SLITRK3: variants seen among roughly 807,000 people sequenced by gnomAD.
SLITRK3 encodes the protein SLIT and NTRK-like protein 3.
Under a neutral mutation model 63.6 loss-of-function variants are expected in SLITRK3, and 16 were observed. That is an observed-to-expected ratio of 0.25 (90% CI 0.17 to 0.38). SLITRK3 has a LOEUF of 0.38. SLITRK3 is among the 10% of genes least tolerant of loss of function. The pLI is 1.00. For missense variants in SLITRK3, 1,117 were observed against 1,181.4 expected (o/e 0.95, Z 0.80); for synonymous variants, 547 against 451.6 (o/e 1.21, Z -2.68).
chr3:165,189,821 T>C lies in SLITRK3; in HGVS notation c.1010A>G (p.Lys337Arg), dbSNP rs774655521. 3 of 1,614,078 alleles carry C rather than the reference T, an allele frequency of 1.9e-6. No homozygotes were observed. The highest frequency in any genetic ancestry group is 2.5e-6 in the Non-Finnish European group (3 of 1,179,986). Residue 337 changes from lysine (K) to arginine (R), a missense_variant, in exon 2 of 2, where the codon AAA (lysine) becomes AGA (arginine). Transcript: ENST00000475390. The surrounding 1 kb of genome is among the most constrained non-coding windows in gnomAD (Gnocchi z 4.0). Reference sequence around the variant, plus strand: ...GGGTGGCCTTGGTGTTCGAGGCTGTTTGGTGGGCTTAGGCTGTTTATTTGA... The same window carrying C: ...GGGTGGCCTTGGTGTTCGAGGCTGTCTGGTGGGCTTAGGCTGTTTATTTGA... ...KSSNKQPKPT[K>R]QPRTPRPPST...
intron 1 of SLITRK3, among the ~76,000 whole-genome samples, chr3:165,194,985 G>C (rs2108212104): frequency 6.6e-6 from 1 of 152,248 alleles, no homozygotes; most frequent in South Asian, 2.1e-4. Flanking sequence ...TGTCCAGAGG[G>C]AGGACAAGAA....
chr3:165,188,383 C>T lies in SLITRK3; in HGVS notation c.2448G>A (p.Lys816=). The change falls in exon 2 of 2, where the codon AAG becomes AAA. Residue 816 remains lysine (K), a synonymous_variant. Transcript: ENST00000475390. The part of the protein sequence containing the change: ...SNYRTLLEKE[K]EWALAVSSSQ... ...AGCTGGACACTGCTAGGGCCCACTC[C>T]TTCTCTTTTTCCAGCAAGGTCCGGT... The T allele has an allele frequency of 6.2e-7, 1 of 1,613,904 alleles. No individual in the cohort carries two copies. Among genetic ancestry groups the T allele is most frequent in the South Asian group, 1.1e-5 (1 of 91,052 alleles).
Position 165,190,698 on chromosome 3 carries a change from A to T in SLITRK3, c.133T>A (p.Phe45Ile). Residue 45 changes from phenylalanine to isoleucine, a missense_variant, in exon 2 of 2, where the codon TTT (phenylalanine) becomes ATT (isoleucine). Phe to Ile is a conservative substitution (Grantham distance 21, BLOSUM62 0). This residue lies in a region of SLITRK3 where 452 missense variants were observed against 495.3 expected (regional missense o/e 0.91). Coordinates refer to ENST00000475390, the MANE Select transcript of SLITRK3 (RefSeq NM_001318810.2). ...EDSEEIDEPC[F>I]DPCYCEVKES... Reference sequence around the variant, plus strand: ...TTAACTTCACAGTAGCATGGATCAAAACAGGGCTCATCTATTTCCTCTGAG... The same window carrying T: ...TTAACTTCACAGTAGCATGGATCAATACAGGGCTCATCTATTTCCTCTGAG... The T allele has an allele frequency of 6.2e-7, 1 of 1,614,138 alleles. No homozygotes were observed.
chr3:165,196,980 C>G (rs763475056), upstream of SLITRK3: 1 of 152,036 alleles, frequency 6.6e-6, no homozygotes, highest in Non-Finnish European at 1.5e-5. Context: ...CTCTCGCTCT[C>G]TCTCTCTCGC....
chr3:165,191,018 A>G (rs1718204714), intron 1 of SLITRK3, among the ~76,000 whole-genome samples, 167 bp from the exon 2 acceptor site: 1 of 152,220 alleles, frequency 6.6e-6, no homozygotes, highest in African/African-American at 2.4e-5. Flanking sequence ...TGTGTCCTAT[A>G]TTTTAAACTT....
At chr3:165,193,461 A>T (rs1237017749) in intron 1 of SLITRK3, among the ~76,000 whole-genome samples, 2 of 151,778 alleles carry the variant, frequency 1.3e-5, no homozygotes, top group African/African-American at 4.8e-5. Flanking sequence ...AATGACGGGG[A>T]TGGGGGGAAA....
At position 165,189,964 on chromosome 3, in the gene SLITRK3, T is replaced by C. The variant is rs201324075; in HGVS notation, c.867A>G (p.Val289=). Residue 289 remains valine, a synonymous_variant, in exon 2 of 2, where the codon GTA becomes GTG. Transcript: ENST00000475390. The surrounding 1 kb of genome is among the most constrained non-coding windows in gnomAD (Gnocchi z 4.0). The part of the protein sequence containing the change: ...ELCPLLSDSE[V]EASLGIPHSS... ...AATGTGGAATTCCCAAACTAGCCTC[T>C]ACCTCAGAGTCAGACAACAAGGGAC... 361 of 1,614,166 alleles carry C rather than the reference T, an allele frequency of 2.2e-4. 3 individuals are homozygous for C. The South Asian group carries it at 2.9e-3, about 13-fold the overall frequency.
chr3:165,188,410 G>A lies in SLITRK3; in HGVS notation c.2421C>T (p.Asn807=). ...TCTCTTTTTCCAGCAAGGTCCGGTA[G>A]TTACTATGGTTCTCCTTGGGTGTCT... is the stretch of plus-strand genomic sequence containing the variant. The part of the protein sequence containing the change: ...FAETPKENHS[N]YRTLLEKEKE... Residue 807 remains asparagine (N), a synonymous_variant, in exon 2 of 2, where the codon AAC becomes AAT. Transcript: ENST00000475390. 6.2e-7 allele frequency: 1 copy of A among 1,613,990 alleles called. No homozygotes were observed. The highest frequency in any genetic ancestry group is 8.5e-7 in the Non-Finnish European group (1 of 1,179,990).
In SLITRK3 at chr3:165,188,865, A is replaced by G. The variant is rs773305320; in HGVS notation, c.1966T>C (p.Leu656=). 4.3e-6 allele frequency: 7 copies of G among 1,614,010 alleles called. No individual in the cohort carries two copies. The South Asian group carries it at 7.7e-5, about 18-fold the overall frequency. Residue 656 remains leucine (L), a synonymous_variant, in exon 2 of 2, where the codon TTA becomes CTA. Coordinates refer to ENST00000475390, the MANE Select transcript of SLITRK3 (RefSeq NM_001318810.2). Reference sequence around the variant, plus strand: ...AACAGAACCAGCAGGCTGAGAATTAACACAGAAAGTGGCACAGGGCCCCCA... The same window carrying G: ...AACAGAACCAGCAGGCTGAGAATTAGCACAGAAAGTGGCACAGGGCCCCCA... ...PPGGPVPLSV[L]ILSLLVLFFS...
At chr3:165,191,980 A>G (rs1050606092) in intron 1 of SLITRK3, among the ~76,000 whole-genome samples, 1 of 152,242 alleles carries the variant, frequency 6.6e-6, no homozygotes, top group African/African-American at 2.4e-5. Flanking sequence ...GCCTAATAAC[A>G]TCAGTATATG....
At position 165,188,462 on chromosome 3, in the gene SLITRK3, G is replaced by C. The variant is rs774538207; in HGVS notation, c.2369C>G (p.Ala790Gly). 3 of 1,613,950 alleles carry C rather than the reference G, an allele frequency of 1.9e-6. No individual in the cohort carries two copies. In the East Asian group the frequency reaches 6.7e-5, roughly 36 times the overall value. Residue 790 changes from alanine to glycine, a missense_variant, in exon 2 of 2, where the codon GCT becomes GGT. By Grantham distance (60) the Ala-to-Gly change is moderately conservative (BLOSUM62 0). Around this residue, in one of 4 missense-constraint regions of SLITRK3, gnomAD observed 499 missense variants for 463.6 expected, o/e 1.08. Coordinates refer to ENST00000475390, the MANE Select transcript of SLITRK3 (RefSeq NM_001318810.2). Reference protein sequence around the residue: ...PGTQPPGMGEALLGSEQFAET... With the variant: ...PGTQPPGMGEGLLGSEQFAET... Reference sequence around the variant, plus strand: ...AGCAAACTGCTCACTTCCTAGGAGAGCCTCACCCATTCCCGGTGGTTGTGT... The same window carrying C: ...AGCAAACTGCTCACTTCCTAGGAGACCCTCACCCATTCCCGGTGGTTGTGT...
Position 165,189,547 on chromosome 3 carries a change from A to G in SLITRK3, c.1284T>C (p.Phe428=), listed in dbSNP as rs1718102043. 1.2e-6 allele frequency: 2 copies of G among 1,614,128 alleles called. No individual in the cohort carries two copies. Among genetic ancestry groups the G allele is most frequent in the African/African-American group, 1.3e-5 (1 of 75,056 alleles). Residue 428 remains phenylalanine (F), a synonymous_variant, in exon 2 of 2, where the codon TTT becomes TTC. Transcript: ENST00000475390. This position sits in a 1 kb window ranked among gnomAD's most constrained non-coding sequence, Gnocchi z 4.0. ...AGAGATCCAAGGAAGAAAAATTCCA[A>G]AAATCAGAACGGTATATTTTCTGAA... ...NLIQKIYRSD[F]WNFSSLDLLH...
rs538809989 is a variant in SLITRK3 at position 165,193,926 on chromosome 3, T to C, written c.-22+1654A>G. Among the ~76,000 whole-genome samples the C allele has an allele frequency of 2.6e-5, 4 of 152,250 alleles. No homozygotes were observed. In the South Asian group the frequency reaches 8.3e-4, roughly 32 times the overall value. On this transcript the variant is annotated intron_variant, in intron 1 of 1. Transcript: ENST00000475390. Reference sequence around the variant, plus strand: ...GTGATTGAAGGAAGATATTGTATTGTAGAGGGACTACCAGATGACAGTTCA... The same window carrying C: ...GTGATTGAAGGAAGATATTGTATTGCAGAGGGACTACCAGATGACAGTTCA...
intron 1 of SLITRK3, among the ~76,000 whole-genome samples, chr3:165,192,659 G>C (rs1342351623): frequency 6.6e-6 from 1 of 151,430 alleles, no homozygotes; most frequent in Non-Finnish European, 1.5e-5. Context: ...GAAGCAAAAG[G>C]GGATAAAGGG....
rs1718401555 is a variant in SLITRK3 at position 165,195,955 on chromosome 3, G to A, written c.-397C>T. 1.3e-5 allele frequency: 2 copies of A among 152,710 alleles called. No individual in the cohort carries two copies. The highest frequency in any genetic ancestry group is 4.8e-5 in the African/African-American group (2 of 41,452). The allele number at this position is 152,710 out of a possible 1,614,324, so 9.5% of individuals were successfully genotyped here. On this transcript the variant is annotated 5_prime_UTR_variant, in exon 1 of 2. Coordinates refer to ENST00000475390, the MANE Select transcript of SLITRK3 (RefSeq NM_001318810.2). ...TTTAAAATCTCGGTGCTCTGGATCA[G>A]TGGAGAGCTTCGTTGTTCCCGAGAG...
Position 165,192,158 on chromosome 3 carries a change from C to T in SLITRK3, c.-21-1307G>A, listed in dbSNP as rs189806399. ...CACACAGAAAGATATATTTCATCAACCTTCTTCTTAAACCACAATGATATA... is the reference window on the plus strand; with the variant it reads ...CACACAGAAAGATATATTTCATCAATCTTCTTCTTAAACCACAATGATATA... On this transcript the variant is annotated intron_variant, in intron 1 of 1. Transcript: ENST00000475390. 7.9e-5 allele frequency among the ~76,000 whole-genome samples: 12 copies of T among 152,226 alleles called. No individual in the cohort carries two copies. In the East Asian group the frequency reaches 2.3e-3, roughly 29 times the overall value.
At chr3:165,196,927 C>CTCTCTCTCTCTCTCTCTCTCTCTCTT (rs56305843), upstream of SLITRK3, 1 of 27,150 alleles carries the variant, frequency 3.7e-5, no homozygotes, top group Non-Finnish European at 8.5e-5. Flanking sequence ...CTCTCTCTCT[C>CTCTCTCTCTCTCTCTCTCTCTCTCTT]CTCTCTCTGT....
chr3:165,188,430 G>A lies in SLITRK3; in HGVS notation c.2401C>T (p.Pro801Ser), dbSNP rs1315751426. The A allele has an allele frequency of 5.6e-6, 9 of 1,613,782 alleles. No homozygotes were observed. The highest frequency in any genetic ancestry group is 7.6e-6 in the Non-Finnish European group (9 of 1,179,944). Residue 801 changes from proline to serine, a missense_variant, in exon 2 of 2, where the codon CCC becomes TCC. Transcript: ENST00000475390. Reference sequence around the variant, plus strand: ...CGGTAGTTACTATGGTTCTCCTTGGGTGTCTCAGCAAACTGCTCACTTCCT... The same window carrying A: ...CGGTAGTTACTATGGTTCTCCTTGGATGTCTCAGCAAACTGCTCACTTCCT... ...LLGSEQFAET[P>S]KENHSNYRTL...
chr3:165,191,836 T>G (rs1192536968), intron 1 of SLITRK3, among the ~76,000 whole-genome samples: 1 of 152,196 alleles, frequency 6.6e-6, no homozygotes, highest in East Asian at 1.9e-4. Flanking sequence ...AGTGGAAACC[T>G]CTATTCTTAC....
Sources: gnomAD v4.1 joint callset for allele counts (sites outside exome capture counted in the v4.1 genomes callset) on GRCh38, gnomAD v4.1.1 for gene constraint, gnomAD v4.1.1 regional missense constraint, Gnocchi (gnomAD v3.1) non-coding constraint, MANE v1.5 for transcripts, NCBI Gene and HGNC (gene_info 2026-07-23, HGNC 2026-07-21) for gene names.